SLC41A2: variants seen among roughly 807,000 people sequenced by gnomAD.
SLC41A2 encodes solute carrier family 41 member 2.
SLC41A2 carries 32 observed loss-of-function variants against 58.3 expected under a neutral mutation model. The observed-to-expected ratio is 0.55, with a 90% CI of 0.41 to 0.74. The LOEUF is 0.74. Ranked by LOEUF, SLC41A2 falls within the 30% of genes least tolerant of loss-of-function variation. The probability of loss-of-function intolerance (pLI) is 0.00; values close to 1 mark genes in which losing one functional copy is unlikely to be tolerated. For missense variants in SLC41A2, 514 were observed against 680.6 expected, an observed-to-expected ratio of 0.76 and a Z score of 2.72; for synonymous variants, 190 against 235.0, an observed-to-expected ratio of 0.81 and a Z score of 1.75.
chr12:104,875,879 T>G (rs1211493829), intron 6 of SLC41A2, among the ~76,000 whole-genome samples: 1 of 152,216 alleles, frequency 6.6e-6, no homozygotes, highest in Non-Finnish European at 1.5e-5. Flanking sequence ...ATTGGTACTA[T>G]TTGAATGTTT....
chr12:104,880,351 T>C (rs981134630), intron 6 of SLC41A2, among the ~76,000 whole-genome samples: 4 of 152,190 alleles, frequency 2.6e-5, no homozygotes, highest in Admixed American at 2.0e-4. Flanking sequence ...TCCAACACTA[T>C]GTTGAATAGG....
intron 6 of SLC41A2, among the ~76,000 whole-genome samples, chr12:104,882,245 C>T (rs1035729169): frequency 6.6e-6 from 1 of 152,074 alleles, no homozygotes; most frequent in Admixed American, 6.5e-5. Flanking sequence ...GAATACAGCA[C>T]ACTGATGGGT....
intron 8 of SLC41A2, 116 bp from the exon 9 acceptor site, chr12:104,846,090 G>C (rs1378840116): frequency 1.0e-6 from 1 of 1,005,000 alleles, no homozygotes; most frequent in Non-Finnish European, 1.4e-6. Context: ...AAAATAAAGA[G>C]TTCTTCTGAA....
At chr12:104,940,832 T>C (rs76946955) in intron 1 of SLC41A2, among the ~76,000 whole-genome samples, 6,668 of 151,140 alleles carry the variant, frequency 0.044, 326 homozygotes, top group East Asian at 0.15. Flanking sequence ...GGCAGGAGAA[T>C]TACTTGAAAA....
intron 1 of SLC41A2, among the ~76,000 whole-genome samples, chr12:104,956,118 G>T (rs914114512): frequency 6.6e-6 from 1 of 152,156 alleles, no homozygotes; most frequent in African/African-American, 2.4e-5. Context: ...ATTAAGGGTG[G>T]TCTCTCTTGA....
chr12:104,825,224 G>A (rs762387226), intron 10 of SLC41A2, among the ~76,000 whole-genome samples: 2 of 152,138 alleles, frequency 1.3e-5, no homozygotes, highest in South Asian at 4.2e-4. Context: ...ACAGGCATGC[G>A]TGGCTCAGGG....
At chr12:104,925,060 G>A (rs995341126) in intron 2 of SLC41A2, among the ~76,000 whole-genome samples, 1 of 152,008 alleles carries the variant, frequency 6.6e-6, no homozygotes, top group African/African-American at 2.4e-5. Context: ...TGGTGATGGG[G>A]ACAAAAAGGG....
chr12:104,883,451 G>C (rs2044490782), intron 6 of SLC41A2, among the ~76,000 whole-genome samples: 1 of 152,150 alleles, frequency 6.6e-6, no homozygotes, highest in Admixed American at 6.5e-5. Flanking sequence ...CCATCTTTGT[G>C]GTTTTATCTA....
chr12:104,924,373 A>G (rs2046741180), intron 2 of SLC41A2, among the ~76,000 whole-genome samples: 1 of 152,252 alleles, frequency 6.6e-6, no homozygotes, highest in African/African-American at 2.4e-5. Context: ...ACTAAATTTG[A>G]GTATCTCCAT....
rs2245696 is a variant in SLC41A2 at position 104,939,484 on chromosome 12, C to T, written c.-167-10790G>A. On this transcript the variant is annotated intron_variant, in intron 1 of 10. Coordinates refer to ENST00000258538, the MANE Select transcript of SLC41A2 (RefSeq NM_001352171.3). The stretch of plus-strand genomic sequence containing the variant: ...TCCCAAAGTGCTGGTATTACAGGCA[C>T]GAGCCACCATGCCCAGCCATAAAAT... Among the ~76,000 whole-genome samples, 729 of 152,146 alleles carry T rather than the reference C, an allele frequency of 4.8e-3. 3 individuals carry two copies. Among genetic ancestry groups the T allele is most frequent in the Non-Finnish European group, 8.0e-3 (547 of 67,976 alleles).
chr12:104,934,322 A>AGAACC (rs2047181144), intron 1 of SLC41A2, among the ~76,000 whole-genome samples: 3 of 152,348 alleles, frequency 2.0e-5, no homozygotes, highest in Middle Eastern at 3.4e-3. Context: ...ACAGCTGGGA[A>AGAACC]GAACCAGTGT....
intron 6 of SLC41A2, among the ~76,000 whole-genome samples, chr12:104,871,436 G>C (rs529559309): frequency 5.9e-5 from 9 of 152,228 alleles, no homozygotes; most frequent in African/African-American, 2.2e-4. Context: ...CTATACGAAT[G>C]TATAAATGCC....
intron 1 of SLC41A2, among the ~76,000 whole-genome samples, chr12:104,956,321 C>T (rs2048165736): frequency 6.6e-6 from 1 of 152,100 alleles, no homozygotes; most frequent in South Asian, 2.1e-4. Context: ...CAAGTCAGTG[C>T]CAGTATCCAA....
At chr12:104,906,835 A>G (rs1225460558) in intron 3 of SLC41A2, among the ~76,000 whole-genome samples, 1 of 152,214 alleles carries the variant, frequency 6.6e-6, no homozygotes, top group Non-Finnish European at 1.5e-5. Flanking sequence ...TATTAAATAC[A>G]ATAGTAACCT....
intron 1 of SLC41A2, among the ~76,000 whole-genome samples, chr12:104,933,349 A>G (rs1296375971): frequency 3.3e-5 from 5 of 152,142 alleles, no homozygotes; most frequent in African/African-American, 4.8e-5. Flanking sequence ...ACCCCAGCCA[A>G]AACTCCCATT....
chr12:104,842,031 G>C (rs1434366437), intron 10 of SLC41A2, among the ~76,000 whole-genome samples: 1 of 151,998 alleles, frequency 6.6e-6, no homozygotes, highest in Non-Finnish European at 1.5e-5. Context: ...ATAAGAGCTT[G>C]GACCAAGGTT....
At chr12:104,955,952 A>G (rs1220134669) in intron 1 of SLC41A2, among the ~76,000 whole-genome samples, 1 of 152,246 alleles carries the variant, frequency 6.6e-6, no homozygotes, top group Non-Finnish European at 1.5e-5. Context: ...AGAAAACAAG[A>G]TTCTCCACTT....
At chr12:104,881,392 C>A (rs540063386) in intron 6 of SLC41A2, among the ~76,000 whole-genome samples, 8 of 152,230 alleles carry the variant, frequency 5.3e-5, no homozygotes, top group Admixed American at 3.9e-4. Flanking sequence ...TTCTCTAGTT[C>A]TTTTAATTGT....
intron 4 of SLC41A2, among the ~76,000 whole-genome samples, chr12:104,893,255 G>A (rs1189191923): frequency 6.6e-6 from 1 of 152,158 alleles, no homozygotes; most frequent in Non-Finnish European, 1.5e-5. Context: ...ATGAAAAGGT[G>A]CTCAACATCA....
Sources: allele counts gnomAD v4.1 joint callset (sites outside exome capture counted in the v4.1 genomes callset), GRCh38; gene constraint gnomAD v4.1.1; transcripts MANE v1.5; gene names NCBI Gene and HGNC (gene_info 2026-07-23, HGNC 2026-07-21).